The following SOD2 variants were observed in gnomAD, a reference collection of about 807,000 sequenced individuals.
The protein encoded by SOD2 is superoxide dismutase [Mn], mitochondrial.
Under a neutral mutation model 27.0 loss-of-function variants are expected in SOD2, and 11 were observed. The ratio of observed to expected loss-of-function variants is 0.41; its 90% CI spans 0.26 to 0.67. The LOEUF (loss-of-function observed/expected upper bound fraction) is 0.67. Ranked by LOEUF, SOD2 falls within the 30% of genes least tolerant of loss-of-function variation. The probability of loss-of-function intolerance (pLI) is 0.34; values close to 1 mark genes in which losing one functional copy is unlikely to be tolerated. For synonymous variants in SOD2, 105 were observed against 103.0 expected (o/e 1.02, Z -0.12); for missense variants, 250 against 274.5 (o/e 0.91, Z 0.63).
In SOD2 at chr6:159,673,932, C is replaced by T. The variant is rs900756183; in HGVS notation, c.*8561G>A. 9.2e-5 allele frequency: 14 copies of T among 152,256 alleles called. No homozygotes were observed. The highest frequency in any genetic ancestry group is 3.4e-3 in the Middle Eastern group (1 of 294). 9.4% of individuals were successfully genotyped at this position (152,256 alleles called of 1,614,324 possible). ...AAAGTGGATATCACCACCAATCCCACAGAAATACAGAGTACACAGAGAATA... is the reference window on the plus strand; with the variant it reads ...AAAGTGGATATCACCACCAATCCCATAGAAATACAGAGTACACAGAGAATA... On this transcript the variant is annotated 3_prime_UTR_variant, in exon 5 of 5. Transcript: ENST00000538183.
chr6:159,751,283 A>G (rs1779811286), intron 1 of SOD2, among the ~76,000 whole-genome samples: 1 of 152,162 alleles, frequency 6.6e-6, no homozygotes, highest in Non-Finnish European at 1.5e-5. Context: ...CCTTTTTTGC[A>G]TTAGAATTTG....
intron 1 of SOD2, among the ~76,000 whole-genome samples, chr6:159,739,957 T>G (rs1779150250): frequency 6.6e-6 from 1 of 151,722 alleles, no homozygotes; most frequent in Admixed American, 6.6e-5. Flanking sequence ...TGTCTTATGC[T>G]GAAGTATATA....
At chr6:159,748,540 G>C, upstream of SOD2, 1 of 1,372,202 alleles carries the variant, frequency 7.3e-7, no homozygotes, top group Non-Finnish European at 9.5e-7. The surrounding 1 kb of genome is among the most constrained non-coding windows in gnomAD (Gnocchi z 5.6). Flanking sequence ...AAACTTACCA[G>C]ATGAACCTTG....
chr6:159,755,361 C>T (rs771489657), intron 1 of SOD2: 3 of 1,614,080 alleles, frequency 1.9e-6, no homozygotes, highest in Admixed American at 3.3e-5. Context: ...AATAAGTCCT[C>T]CAACAGCTCA....
chr6:159,669,297 T>A lies in SOD2; in HGVS notation c.*13196A>T, dbSNP rs533224971. Reference sequence around the variant, plus strand: ...TGCAGCTATTAGAGTGTTCTGCACCTATTAGAATGTTCTGTAAATGTCAGG... The same window carrying A: ...TGCAGCTATTAGAGTGTTCTGCACCAATTAGAATGTTCTGTAAATGTCAGG... On this transcript the variant is annotated 3_prime_UTR_variant, in exon 5 of 5. Coordinates refer to ENST00000538183, the MANE Select transcript of SOD2 (RefSeq NM_000636.4). 6.6e-6 allele frequency: 1 copy of A among 152,240 alleles called. No individual in the cohort carries two copies. Among genetic ancestry groups the A allele is most frequent in the Non-Finnish European group, 1.5e-5 (1 of 68,048 alleles). The allele number at this position is 152,240 out of a possible 1,614,324, so 9.4% of individuals were successfully genotyped here. A position where few individuals can be genotyped will look rare whatever the true frequency, so the allele number is the denominator to read the frequency against.
chr6:159,713,949 T>G (rs1777877909), intron 1 of SOD2: 2 of 841,240 alleles, frequency 2.4e-6, no homozygotes, highest in Non-Finnish European at 3.8e-6. Flanking sequence ...CCCTGGACCT[T>G]CACCACGAAC....
intron 1 of SOD2, among the ~76,000 whole-genome samples, chr6:159,719,085 T>C (rs1249298223): frequency 6.6e-6 from 1 of 152,152 alleles, no homozygotes; most frequent in Admixed American, 6.5e-5. Flanking sequence ...AAATTCATGT[T>C]GAAATCTTAA....
intron 1 of SOD2, among the ~76,000 whole-genome samples, chr6:159,732,687 G>C (rs539483436): frequency 6.6e-6 from 1 of 152,078 alleles, no homozygotes; most frequent in South Asian, 2.1e-4. Flanking sequence ...AGCCGGGCGT[G>C]GTGGCAGGCA....
At chr6:159,727,573 C>T (rs895790310), upstream of SOD2, 18 of 987,324 alleles carry the variant, frequency 1.8e-5, 1 homozygote, top group Admixed American at 6.8e-4. Flanking sequence ...TGCGGCGGGA[C>T]TAGGAGCGCG....
chr6:159,715,555 G>A (rs1487347329), intron 1 of SOD2, among the ~76,000 whole-genome samples: 1 of 152,104 alleles, frequency 6.6e-6, no homozygotes, highest in Admixed American at 6.5e-5. Flanking sequence ...CATCCATAAG[G>A]TTAAACACTA....
At chr6:159,696,800 G>T (rs994880561), upstream of SOD2, among the ~76,000 whole-genome samples, 11 of 152,082 alleles carry the variant, frequency 7.2e-5, no homozygotes, top group Admixed American at 2.6e-4. Flanking sequence ...CCAGCTCTTT[G>T]AGAGGCTGAG....
upstream of SOD2, among the ~76,000 whole-genome samples, chr6:159,731,633 A>C (rs964320885): frequency 6.6e-6 from 1 of 152,182 alleles, no homozygotes; most frequent in African/African-American, 2.4e-5. Context: ...AGAAACACTG[A>C]GTCTGTGTTT....
upstream of SOD2, among the ~76,000 whole-genome samples, chr6:159,746,037 T>C (rs1235824200): frequency 6.6e-6 from 1 of 152,170 alleles, no homozygotes; most frequent in Non-Finnish European, 1.5e-5. Flanking sequence ...AGTGTGGTGT[T>C]AGGAAAACAG....
In SOD2 at chr6:159,678,212, T is replaced by A. The variant is rs1779820845; in HGVS notation, c.*4281A>T. On this transcript the variant is annotated 3_prime_UTR_variant, in exon 5 of 5. Coordinates refer to ENST00000538183, the MANE Select transcript of SOD2 (RefSeq NM_000636.4). ...GCCCTGTGCATCTCTTCCATCTGGC[T>A]GTTCATCTGTATTCTTTGAAATATC... 6.6e-6 allele frequency: 1 copy of A among 152,274 alleles called. No individual in the cohort carries two copies. 9.4% of individuals were successfully genotyped at this position (152,274 alleles called of 1,614,324 possible).
At chr6:159,708,687 A>G (rs902332679) in intron 1 of SOD2, among the ~76,000 whole-genome samples, 9 of 152,350 alleles carry the variant, frequency 5.9e-5, no homozygotes, top group African/African-American at 1.4e-4. Context: ...GAAAATGGCT[A>G]TACTGCCCAA....
intron 1 of SOD2, among the ~76,000 whole-genome samples, chr6:159,723,131 A>T (rs1355397609): frequency 6.6e-6 from 1 of 152,202 alleles, no homozygotes; most frequent in Non-Finnish European, 1.5e-5. Flanking sequence ...CTGCTAAAAC[A>T]TAAGGGATGG....
upstream of SOD2, among the ~76,000 whole-genome samples, chr6:159,749,857 C>T (rs1300086637): frequency 6.6e-6 from 1 of 152,056 alleles, no homozygotes; most frequent in African/African-American, 2.4e-5. Context: ...GAATTTTTTC[C>T]GTCAGATCAT....
chr6:159,707,839 C>A (rs867006674), intron 1 of SOD2, among the ~76,000 whole-genome samples: 7 of 152,278 alleles, frequency 4.6e-5, no homozygotes, highest in South Asian at 2.1e-4. Context: ...AGACCAATAT[C>A]CCTGATGAAC....
At chr6:159,700,392 C>T (rs1469880312) in intron 1 of SOD2, among the ~76,000 whole-genome samples, 5 of 152,176 alleles carry the variant, frequency 3.3e-5, no homozygotes, top group East Asian at 3.9e-4. Flanking sequence ...CGGTGGCTCA[C>T]GCCTGTAATC....
Sources: allele counts gnomAD v4.1 joint callset (sites outside exome capture counted in the v4.1 genomes callset), GRCh38; gene constraint gnomAD v4.1.1; non-coding constraint Gnocchi (gnomAD v3.1); transcripts MANE v1.5; gene names NCBI Gene and HGNC (gene_info 2026-07-23, HGNC 2026-07-21).